Variants in PROM1 observed in about 807,000 individuals in gnomAD.
The protein encoded by PROM1 is prominin 1.
A neutral mutation model predicts 116.9 loss-of-function variants in PROM1; 105 were observed. The ratio of observed to expected loss-of-function variants is 0.90; its 90% CI spans 0.77 to 1.06. The LOEUF (loss-of-function observed/expected upper bound fraction) is 1.06, where lower values mean the gene tolerates loss of function less well. Among genes scored for constraint, PROM1 ranks in the 50% least tolerant of loss-of-function variants. The probability of loss-of-function intolerance (pLI) is 0.00; values close to 1 mark genes in which losing one functional copy is unlikely to be tolerated. For missense variants in PROM1, 1,122 were observed against 1,045.2 expected (o/e 1.07, Z -1.01); for synonymous variants, 393 against 387.0 (o/e 1.02, Z -0.18).
rs1490681961 is a variant in PROM1 at position 15,987,663 on chromosome 4, C to T, written c.2130G>A (p.Leu710=). ...KILQRTGNGL[L]ERVTRILASL... is the part of the protein sequence containing the mutation. ...GACAGAAAACAAAGTAAACCCTTAC[C>T]AACAATCCATTCCCTGTGCGTTGAA... The change falls in exon 20 of 28, where the codon TTG becomes TTA. Residue 710 remains leucine, a splice_region_variant and synonymous_variant. Transcript: ENST00000447510. 1.2e-6 allele frequency: 2 copies of T among 1,609,568 alleles called. No individual in the cohort carries two copies. Among genetic ancestry groups the T allele is most frequent in the Admixed American group, 3.4e-5 (2 of 59,432 alleles).
chr4:15,982,635 T>C (rs1157048352), intron 23 of PROM1, among the ~76,000 whole-genome samples: 1 of 152,092 alleles, frequency 6.6e-6, no homozygotes, highest in Non-Finnish European at 1.5e-5. Context: ...TGGTGATCTG[T>C]GGAAAGGCAT....
chr4:15,984,989 G>A (rs1469936971), intron 22 of PROM1, among the ~76,000 whole-genome samples: 3 of 152,212 alleles, frequency 2.0e-5, no homozygotes, highest in African/African-American at 4.8e-5. Flanking sequence ...ACTGACGGCT[G>A]ATGTGCATGG....
chr4:15,970,934 A>G (rs1385723364), intron 27 of PROM1, 109 bp downstream of exon 27: 2 of 871,548 alleles, frequency 2.3e-6, no homozygotes, highest in East Asian at 5.3e-5. Flanking sequence ...ATGCTGATCT[A>G]GATTTCCCAC....
intron 23 of PROM1, 87 bp from the exon 24 acceptor site, chr4:15,980,624 TTTTTTTGGAA>T: frequency 5.7e-6 from 4 of 699,364 alleles, no homozygotes; most frequent in Non-Finnish European, 9.1e-6. Context: ...TTTTTTTTTT[TTTTTTTGGAA>T]TTTTTAAAAA....
chr4:16,072,314 A>G (rs1742997461), intron 2 of PROM1, among the ~76,000 whole-genome samples: 1 of 152,220 alleles, frequency 6.6e-6, no homozygotes. Context: ...CACAGAATAT[A>G]AAAGTGAAAA....
chr4:16,069,380 A>C (rs1264457349), intron 2 of PROM1, among the ~76,000 whole-genome samples: 1 of 152,276 alleles, frequency 6.6e-6, no homozygotes, highest in Non-Finnish European at 1.5e-5. Context: ...TGCCAAGTTC[A>C]TCACGGCCAC....
chr4:16,000,884 C>A (rs1182418198), intron 13 of PROM1, among the ~76,000 whole-genome samples: 2 of 151,118 alleles, frequency 1.3e-5, no homozygotes, highest in Non-Finnish European at 3.0e-5. Flanking sequence ...TGGATAGGGG[C>A]CTGGGGACCT....
At chr4:16,064,532 G>A (rs1315092897) in intron 2 of PROM1, among the ~76,000 whole-genome samples, 3 of 152,146 alleles carry the variant, frequency 2.0e-5, no homozygotes, top group East Asian at 1.9e-4. Flanking sequence ...ACACGGATGC[G>A]ATTTGTGAAA....
chr4:16,019,849 GA>G, intron 8 of PROM1, among the ~76,000 whole-genome samples: 1 of 145,260 alleles, frequency 6.9e-6, no homozygotes, highest in Non-Finnish European at 1.5e-5. Context: ...CCACATAACA[GA>G]AAATACTTGA....
chr4:16,021,818 A>C (rs1729968968), intron 8 of PROM1, among the ~76,000 whole-genome samples: 1 of 152,154 alleles, frequency 6.6e-6, no homozygotes, highest in Admixed American at 6.5e-5. Flanking sequence ...TCTGAATCCC[A>C]ACTCCACCAC....
At chr4:16,055,572 T>A (rs937973362) in intron 2 of PROM1, 2 of 348,760 alleles carry the variant, frequency 5.7e-6, no homozygotes, top group Non-Finnish European at 1.1e-5. Flanking sequence ...GGGAAAGGGT[T>A]TTCGTCTGAA....
intron 9 of PROM1, among the ~76,000 whole-genome samples, chr4:16,017,683 T>C (rs2149300341): frequency 6.6e-6 from 1 of 152,254 alleles, no homozygotes; most frequent in East Asian, 1.9e-4. Context: ...TAGCCAGGCA[T>C]GGTGGCGGGT....
chr4:16,009,809 G>A (rs1448532707), intron 11 of PROM1, among the ~76,000 whole-genome samples: 3 of 151,724 alleles, frequency 2.0e-5, no homozygotes, highest in South Asian at 4.2e-4. Context: ...CTGTGGTGGC[G>A]CATGCCTGTA....
chr4:15,982,918 T>C (rs1718340359), intron 23 of PROM1, among the ~76,000 whole-genome samples: 1 of 151,992 alleles, frequency 6.6e-6, no homozygotes, highest in Admixed American at 6.6e-5. Context: ...GATGGACAAG[T>C]GAACGAGGGA....
Position 16,006,531 on chromosome 4 carries a change from C to A in PROM1, c.1454+7G>T. The A allele has an allele frequency of 6.3e-7, 1 of 1,581,410 alleles. No individual in the cohort carries two copies. The highest frequency in any genetic ancestry group is 8.6e-7 in the Non-Finnish European group (1 of 1,164,556). On this transcript the variant is annotated splice_region_variant and intron_variant, in intron 13 of 27. Coordinates refer to ENST00000447510, the MANE Select transcript of PROM1 (RefSeq NM_006017.3). ...CTCCCACATGACAGAGAGGAGCAGA[C>A]ACTCACACCATGAGGAAGACGCCTC...
intron 8 of PROM1, among the ~76,000 whole-genome samples, chr4:16,022,650 T>C (rs755618617): frequency 4.6e-5 from 7 of 152,342 alleles, no homozygotes; most frequent in South Asian, 4.1e-4. Context: ...TTTACATAGA[T>C]GTAATTGTCC....
At chr4:16,082,928 G>A (rs1745309117) in intron 1 of PROM1, among the ~76,000 whole-genome samples, 1 of 151,972 alleles carries the variant, frequency 6.6e-6, no homozygotes, top group African/African-American at 2.4e-5. Flanking sequence ...TTCTGGCAGG[G>A]TGCGCCTTGA....
At chr4:16,051,735 G>T (rs535188152) in intron 2 of PROM1, among the ~76,000 whole-genome samples, 5 of 152,200 alleles carry the variant, frequency 3.3e-5, no homozygotes, top group Non-Finnish European at 5.9e-5. Flanking sequence ...GACACGGAAT[G>T]GTTTTTCTCC....
chr4:16,071,235 C>G (rs571902650), intron 2 of PROM1, among the ~76,000 whole-genome samples: 1 of 152,320 alleles, frequency 6.6e-6, no homozygotes, highest in African/African-American at 2.4e-5. Flanking sequence ...CCCTGGCTGA[C>G]AGCATCCAGC....
Sources: gnomAD v4.1 joint callset for allele counts (sites outside exome capture counted in the v4.1 genomes callset) on GRCh38, gnomAD v4.1.1 for gene constraint, MANE v1.5 for transcripts, NCBI Gene and HGNC (gene_info 2026-07-23, HGNC 2026-07-21) for gene names.